Variants in ARHGAP6 observed in about 807,000 individuals in gnomAD.
ARHGAP6 encodes rho GTPase-activating protein 6.
A neutral mutation model predicts 55.7 loss-of-function variants in ARHGAP6; 16 were observed. The observed-to-expected ratio is 0.29, with a 90% confidence interval of 0.19 to 0.44. The LOEUF (loss-of-function observed/expected upper bound fraction) is 0.44, where lower values mean the gene tolerates loss of function less well. Ranked by LOEUF, ARHGAP6 falls within the 20% of genes least tolerant of loss-of-function variation. ARHGAP6 has a pLI of 1.00. For synonymous variants in ARHGAP6, 382 were observed against 360.9 expected, an observed-to-expected ratio of 1.06 and a Z score of -0.66; for missense variants, 698 against 808.9, an observed-to-expected ratio of 0.86 and a Z score of 1.66.
chrX:11,504,041 T>C (rs2050707209), intron 1 of ARHGAP6, among the ~76,000 whole-genome samples: 1 of 107,656 alleles, frequency 9.3e-6, no homozygotes, highest in Non-Finnish European at 1.9e-5. Flanking sequence ...GATGGAGTTA[T>C]GTATCAATTT....
chrX:11,207,491 A>T (rs968117339), intron 2 of ARHGAP6, among the ~76,000 whole-genome samples: 21 of 112,356 alleles, frequency 1.9e-4, no homozygotes, highest in African/African-American at 6.5e-4. Context: ...TGAGTAGAAC[A>T]ATTACTAACC....
intron 1 of ARHGAP6, among the ~76,000 whole-genome samples, chrX:11,538,067 G>C (rs1486139010): frequency 9.0e-6 from 1 of 111,524 alleles, no homozygotes; most frequent in Non-Finnish European, 1.9e-5. Flanking sequence ...ACATAAAAAG[G>C]CTTTTCTCCT....
chrX:11,572,721 G>A (rs1183175178), intron 1 of ARHGAP6, among the ~76,000 whole-genome samples: 1 of 111,865 alleles, frequency 8.9e-6, no homozygotes, highest in African/African-American at 3.3e-5. Flanking sequence ...GGAAGGCTGG[G>A]TCAAATGGTA....
chrX:11,448,912 C>G (rs1234586090), intron 1 of ARHGAP6, among the ~76,000 whole-genome samples: 2 of 111,842 alleles, frequency 1.8e-5, no homozygotes, highest in African/African-American at 6.5e-5. Context: ...ATTGAAATGT[C>G]TCACCTTCAT....
chrX:11,461,633 G>A (rs2050246302), intron 1 of ARHGAP6, among the ~76,000 whole-genome samples: 1 of 112,170 alleles, frequency 8.9e-6, no homozygotes, highest in African/African-American at 3.2e-5. Context: ...CTCTCTCCAA[G>A]GTACGGACTG....
chrX:11,145,046 C>T (rs753650337), intron 10 of ARHGAP6: 4 of 112,031 alleles, frequency 3.6e-5, no homozygotes, highest in South Asian at 7.6e-4. Context: ...ACTTGAGCAA[C>T]GTGAAAAGAG....
chrX:11,213,276 A>AT lies in ARHGAP6; in HGVS notation c.749-16281dup, dbSNP rs1302975387. ...GTGTGCTTCCAACACGCCCAGCTGC[A>AT]TCCTTTTTATCAATGGATTGTGCTT... On this transcript the variant is annotated intron_variant, in intron 2 of 12. Coordinates refer to ENST00000337414, the MANE Select transcript of ARHGAP6 (RefSeq NM_013427.3). Among the ~76,000 whole-genome samples, 9 of 112,794 alleles carry AT rather than the reference A, an allele frequency of 8.0e-5. No homozygotes were observed. In the Admixed American group the frequency reaches 8.4e-4, roughly 11 times the overall value.
intron 1 of ARHGAP6, among the ~76,000 whole-genome samples, chrX:11,559,709 C>T (rs1233983922): frequency 3.6e-5 from 4 of 110,089 alleles, no homozygotes; most frequent in Non-Finnish European, 7.6e-5. Flanking sequence ...GGGTGGATCA[C>T]GAGGTCAGGA....
At chrX:11,201,867 T>G (rs2046626850) in intron 2 of ARHGAP6, among the ~76,000 whole-genome samples, 1 of 111,278 alleles carries the variant, frequency 9.0e-6, no homozygotes, top group Admixed American at 9.6e-5. Flanking sequence ...TTATGGGAAC[T>G]ACAATACAAG....
Position 11,519,568 on chromosome X carries a change from A to G in ARHGAP6, c.588+144673T>C, listed in dbSNP as rs748863443. On this transcript the variant is annotated intron_variant, in intron 1 of 12. Transcript: ENST00000337414. ...AAAAGAACAAAGCTGGAGGCATCAC[A>G]CTACCTAACTTCAAACTATACTACA... Among the ~76,000 whole-genome samples, 261 of 110,855 alleles carry G rather than the reference A, an allele frequency of 2.4e-3. 5 individuals carry two copies. In the East Asian group the frequency reaches 0.041, roughly 17 times the overall value.
chrX:11,493,474 A>G (rs181885257), intron 1 of ARHGAP6, among the ~76,000 whole-genome samples: 1 of 112,063 alleles, frequency 8.9e-6, no homozygotes, highest in East Asian at 2.8e-4. Context: ...GGCACAATTC[A>G]TGGTGGCCAA....
chrX:11,415,868 T>C (rs1468264240), intron 1 of ARHGAP6, among the ~76,000 whole-genome samples: 1 of 111,649 alleles, frequency 9.0e-6, no homozygotes, highest in Non-Finnish European at 1.9e-5. Context: ...ACAGCTGAGC[T>C]CTGTCTAGCT....
chrX:11,465,198 G>A (rs1204268556), intron 1 of ARHGAP6, among the ~76,000 whole-genome samples: 4 of 111,778 alleles, frequency 3.6e-5, no homozygotes, highest in East Asian at 2.8e-4. Flanking sequence ...TATTGAGCCC[G>A]TTGTTACTGT....
intron 5 of ARHGAP6, among the ~76,000 whole-genome samples, chrX:11,184,169 G>C (rs901620415): frequency 1.8e-5 from 2 of 112,257 alleles, no homozygotes; most frequent in African/African-American, 6.5e-5. Flanking sequence ...AGGTCACTTT[G>C]CTTAATCTAG....
At chrX:11,304,539 C>T (rs1015481526) in intron 1 of ARHGAP6, among the ~76,000 whole-genome samples, 1 of 110,265 alleles carries the variant, frequency 9.1e-6, no homozygotes, top group African/African-American at 3.3e-5. Flanking sequence ...CCTTCATCCT[C>T]AATTCACCAC....
chrX:11,241,573 T>TGTGTGTGCGC (rs1491462940), intron 2 of ARHGAP6, among the ~76,000 whole-genome samples: 1 of 97,390 alleles, frequency 1.0e-5, no homozygotes, highest in Admixed American at 1.1e-4. Context: ...TGTGTGTGTG[T>TGTGTGTGCGC]GCGCGTGTGT....
chrX:11,277,514 G>A (rs192421091), intron 1 of ARHGAP6, among the ~76,000 whole-genome samples: 8 of 110,970 alleles, frequency 7.2e-5, no homozygotes, highest in African/African-American at 2.3e-4. Flanking sequence ...CTTGTTTTCC[G>A]CCTCATTCCA....
intron 1 of ARHGAP6, among the ~76,000 whole-genome samples, chrX:11,327,231 A>G (rs751326331): frequency 9.8e-5 from 11 of 112,580 alleles, no homozygotes; most frequent in African/African-American, 3.5e-4. Flanking sequence ...AGTAAAGAGA[A>G]GTTGAGGTAA....
chrX:11,534,487 G>C (rs1351793602), intron 1 of ARHGAP6, among the ~76,000 whole-genome samples: 1 of 109,958 alleles, frequency 9.1e-6, no homozygotes, highest in African/African-American at 3.3e-5. Flanking sequence ...CACATCCCTG[G>C]CCTCTACCCA....
Sources: allele counts gnomAD v4.1 joint callset (sites outside exome capture counted in the v4.1 genomes callset), GRCh38; gene constraint gnomAD v4.1.1; transcripts MANE v1.5; gene names NCBI Gene and HGNC (gene_info 2026-07-23, HGNC 2026-07-21).